The following CLPB variants were observed in gnomAD, a reference collection of about 807,000 sequenced individuals.
CLPB encodes ClpB family mitochondrial disaggregase.
In CLPB, 40 loss-of-function variants were observed where a neutral mutation model predicts 78.4. The ratio of observed to expected loss-of-function variants is 0.51; its 90% confidence interval spans 0.40 to 0.66. The LOEUF is 0.66. Ranked by LOEUF, CLPB falls within the 30% of genes least tolerant of loss-of-function variation. CLPB has a pLI of 0.00. For missense variants in CLPB, 780 were observed against 886.9 expected, an observed-to-expected ratio of 0.88 and a Z score of 1.53; for synonymous variants, 333 against 348.0, an observed-to-expected ratio of 0.96 and a Z score of 0.48.
At chr11:72,396,925 G>A (rs1855422373) in intron 3 of CLPB, among the ~76,000 whole-genome samples, 1 of 152,170 alleles carries the variant, frequency 6.6e-6, no homozygotes, top group African/African-American at 2.4e-5. Context: ...GTTTACTGAA[G>A]TATCACATTT....
At chr11:72,421,514 C>T (rs914894592) in intron 2 of CLPB, among the ~76,000 whole-genome samples, 2 of 152,182 alleles carry the variant, frequency 1.3e-5, no homozygotes, top group Non-Finnish European at 2.9e-5. Flanking sequence ...CTGGAATGCT[C>T]ACAAGATCCT....
chr11:72,423,204 G>C (rs939806062), intron 2 of CLPB, among the ~76,000 whole-genome samples: 7 of 152,154 alleles, frequency 4.6e-5, no homozygotes, highest in Admixed American at 4.6e-4. Context: ...GAAAGACCCA[G>C]AGGTTCTAGT....
At position 72,358,936 on chromosome 11, in the gene CLPB, A is replaced by C; in HGVS notation, c.719T>G (p.Leu240Trp). Reference sequence around the variant, plus strand: ...GTCATCAGCAAGAACAGCATAGTGCAAGGCCGTGCAGCCCTTGAAACTGGC... The same window carrying C: ...GTCATCAGCAAGAACAGCATAGTGCCAGGCCGTGCAGCCCTTGAAACTGGC... ...NRASFKGCTA[L>W]HYAVLADDYR... Residue 240 changes from leucine (L) to tryptophan (W), a missense_variant, in exon 5 of 16, where the codon TTG becomes TGG. Around this residue, in one of 3 missense-constraint regions of CLPB, gnomAD observed 417 missense variants for 414.7 expected, o/e 1.01. Transcript: ENST00000538039. 6.2e-7 allele frequency: 1 copy of C among 1,612,786 alleles called. No homozygotes were observed.
At chr11:72,418,585 A>G (rs1326372986) in intron 2 of CLPB, among the ~76,000 whole-genome samples, 1 of 152,196 alleles carries the variant, frequency 6.6e-6, no homozygotes, top group African/African-American at 2.4e-5. Context: ...GGCCAGGTGC[A>G]GTGGCTCATG....
chr11:72,332,320 T>TAA (rs551043381), intron 5 of CLPB, among the ~76,000 whole-genome samples: 5 of 112,138 alleles, frequency 4.5e-5, no homozygotes, highest in African/African-American at 1.3e-4. Flanking sequence ...CCATCTCTAC[T>TAA]AAAAAAAAAA....
chr11:72,418,229 C>G (rs1403199411), intron 2 of CLPB, among the ~76,000 whole-genome samples: 2 of 152,214 alleles, frequency 1.3e-5, no homozygotes, highest in African/African-American at 2.4e-5. Flanking sequence ...CATGTGTCTT[C>G]TGAGTGCCAG....
rs537092981 is a variant in CLPB, at chr11:72,432,477, C to T, written c.403+1595G>A. On this transcript the variant is annotated intron_variant, in intron 1 of 15. Transcript: ENST00000538039. ...AATACTCCAGAAAGGCTTTCCTGAC[C>T]CTACTGGCCCTCTGATCCCCCAACG... Among the ~76,000 whole-genome samples, 8 of 152,244 alleles carry T rather than the reference C, an allele frequency of 5.3e-5. No homozygotes were observed. The South Asian group carries it at 1.5e-3, about 28-fold the overall frequency.
chr11:72,346,316 A>AATATCTGTGTGCATATG (rs1950512527), intron 5 of CLPB, among the ~76,000 whole-genome samples: 1 of 152,100 alleles, frequency 6.6e-6, no homozygotes, highest in South Asian at 2.1e-4. Flanking sequence ...AACAATATAG[A>AATATCTGTGTGCATATG]ATATCTGTGT....
Position 72,380,317 on chromosome 11 carries a change from T to C in CLPB, c.610A>G (p.Lys204Glu), listed in dbSNP as rs538184539. ...NLGDDFSSVYKTAKEQGIHSL... is the reference protein window; with the variant it reads ...NLGDDFSSVYETAKEQGIHSL... ...TGGATTCCCTGTTCCTTGGCAGTCT[T>C]GTAAACACTGCTGAAATCATCTCCA... Residue 204 changes from lysine (K) to glutamate (E), a missense_variant, in exon 4 of 16, where the codon AAG (lysine) becomes GAG (glutamate). Transcript: ENST00000538039. 13 of 1,614,058 alleles carry C rather than the reference T, an allele frequency of 8.1e-6. No homozygotes were observed. In the East Asian group the frequency reaches 2.9e-4, roughly 36 times the overall value.
intron 12 of CLPB, among the ~76,000 whole-genome samples, chr11:72,295,211 G>A (rs1169472917): frequency 6.6e-6 from 1 of 152,194 alleles, no homozygotes; most frequent in African/African-American, 2.4e-5. Flanking sequence ...CTAAGACACT[G>A]AGCAGCTTCT....
At chr11:72,400,635 G>A (rs1440414413) in intron 3 of CLPB, among the ~76,000 whole-genome samples, 1 of 152,204 alleles carries the variant, frequency 6.6e-6, no homozygotes, top group East Asian at 1.9e-4. Context: ...TCTTGCAGAG[G>A]GAAACAGCTA....
intron 8 of CLPB, 143 bp downstream of exon 8, chr11:72,308,384 A>C: frequency 3.0e-6 from 2 of 670,630 alleles, no homozygotes; most frequent in South Asian, 3.4e-5. Flanking sequence ...GTGGCTCTGT[A>C]ATCTGGAGGC....
chr11:72,413,858 G>A (rs1855949018), intron 2 of CLPB, among the ~76,000 whole-genome samples: 1 of 152,186 alleles, frequency 6.6e-6, no homozygotes, highest in Admixed American at 6.5e-5. Context: ...TCTTCCTGAG[G>A]ACTGGTTATT....
chr11:72,377,621 T>A (rs200049467), intron 4 of CLPB, among the ~76,000 whole-genome samples: 26 of 137,580 alleles, frequency 1.9e-4, no homozygotes, highest in Admixed American at 3.7e-4. Context: ...AAAAAGAAAA[T>A]AAAAGAAAAA....
chr11:72,409,719 T>A (rs531761795), intron 2 of CLPB, among the ~76,000 whole-genome samples: 209 of 152,328 alleles, frequency 1.4e-3, no homozygotes, highest in Non-Finnish European at 2.4e-3. Context: ...GGCTCACACC[T>A]GTAATCCCAG....
At chr11:72,416,564 C>T (rs1427169627) in intron 2 of CLPB, among the ~76,000 whole-genome samples, 3 of 151,538 alleles carry the variant, frequency 2.0e-5, no homozygotes, top group East Asian at 1.9e-4. Context: ...AGTGAAACCC[C>T]GTCTCTACCA....
chr11:72,385,235 T>C lies in CLPB; in HGVS notation c.543-4851A>G, dbSNP rs898324657. On this transcript the variant is annotated intron_variant, in intron 3 of 15. Coordinates refer to ENST00000538039, the MANE Select transcript of CLPB (RefSeq NM_001258392.3). Reference sequence around the variant, plus strand: ...ATTACAAAAATCACTCCAGTGGCTGTATAAGAAGAGGGAGTATGACCAGAG... The same window carrying C: ...ATTACAAAAATCACTCCAGTGGCTGCATAAGAAGAGGGAGTATGACCAGAG... 2.0e-5 allele frequency among the ~76,000 whole-genome samples: 3 copies of C among 152,314 alleles called. No individual in the cohort carries two copies. The South Asian group carries it at 6.2e-4, about 32-fold the overall frequency.
chr11:72,357,762 CTTCT>C (rs1236951042), intron 5 of CLPB, among the ~76,000 whole-genome samples: 2 of 150,984 alleles, frequency 1.3e-5, no homozygotes, highest in Non-Finnish European at 2.9e-5. Flanking sequence ...AAGGAGGTTC[CTTCT>C]GTCTCTGAAA....
chr11:72,319,753 A>G (rs1950011755), intron 6 of CLPB, among the ~76,000 whole-genome samples: 1 of 152,244 alleles, frequency 6.6e-6, no homozygotes, highest in African/African-American at 2.4e-5. Flanking sequence ...GGCACATAGC[A>G]TTAAGAGGTA....
Sources: allele counts gnomAD v4.1 joint callset (sites outside exome capture counted in the v4.1 genomes callset), GRCh38; gene constraint gnomAD v4.1.1; regional missense constraint gnomAD v4.1.1; transcripts MANE v1.5; gene names NCBI Gene and HGNC (gene_info 2026-07-23, HGNC 2026-07-21).